MAPK15: variants seen among roughly 807,000 people sequenced by gnomAD.
The protein encoded by MAPK15 is ERK-7.
Under a neutral mutation model 60.8 loss-of-function variants are expected in MAPK15, and 61 were observed. The observed-to-expected ratio is 1.00, with a 90% CI of 0.82 to 1.24. The LOEUF (loss-of-function observed/expected upper bound fraction) is 1.24. MAPK15 is among the 50% of genes most tolerant of loss of function. The probability of loss-of-function intolerance (pLI) is 0.00; values close to 1 mark genes in which losing one functional copy is unlikely to be tolerated. For missense variants in MAPK15, 808 were observed against 741.1 expected, an observed-to-expected ratio of 1.09 and a Z score of -1.05; for synonymous variants, 356 against 319.9, an observed-to-expected ratio of 1.11 and a Z score of -1.21.
chr8:143,718,845 C>T lies in MAPK15; in HGVS notation c.357C>T (p.Tyr119=), dbSNP rs1446908975. The change falls in exon 5 of 14, where the codon TAC becomes TAT. Residue 119 remains tyrosine (Y), a synonymous_variant. Transcript: ENST00000338033. ...ACGTCCACGTGCGCTCCATCTTCTA[C>T]CAGCTCCTGCGGGCCACCCGGTTCC... The part of the protein sequence containing the change: ...LQDVHVRSIF[Y]QLLRATRFLH... The T allele has an allele frequency of 2.5e-6, 4 of 1,612,294 alleles. No individual in the cohort carries two copies. Among genetic ancestry groups the T allele is most frequent in the Non-Finnish European group, 3.4e-6 (4 of 1,179,756 alleles).
At position 143,722,447 on chromosome 8, in the gene MAPK15, G is replaced by C. The variant is rs1054834718; in HGVS notation, c.*196G>C. The C allele has an allele frequency of 3.6e-4, 185 of 509,356 alleles. No individual in the cohort carries two copies. Among genetic ancestry groups the C allele is most frequent in the Non-Finnish European group, 4.8e-5 (14 of 293,106 alleles). 31.6% of individuals were successfully genotyped at this position (509,356 alleles called of 1,614,324 possible). ...CACTGACTTCCTCCAATAAAGTCAT[G>C]TCTGCCCCCAACCTAAGCAGCCATC... On this transcript the variant is annotated 3_prime_UTR_variant, in exon 14 of 14. Coordinates refer to ENST00000338033, the MANE Select transcript of MAPK15 (RefSeq NM_139021.3).
At chr8:143,718,359 C>A in intron 4 of MAPK15, 57 bp downstream of exon 4, 1 of 1,515,104 alleles carries the variant, frequency 6.6e-7, no homozygotes, top group Non-Finnish European at 9.2e-7. Context: ...CTGACGCCGT[C>A]TGCGGGTCCC....
chr8:143,718,942 G>A (rs370434603), intron 5 of MAPK15, 37 bp downstream of exon 5: 144 of 1,597,094 alleles, frequency 9.0e-5, no homozygotes, highest in South Asian at 2.1e-4. Context: ...CACGTGGCCC[G>A]GCTCCCGGCC....
rs781847069 is a variant in MAPK15 at position 143,721,411 on chromosome 8, G to A, written c.1204G>A (p.Glu402Lys). Residue 402 changes from glutamate to lysine, a missense_variant and splice_region_variant, in exon 11 of 14, where the codon GAG (glutamate) becomes AAG (lysine). Coordinates refer to ENST00000338033, the MANE Select transcript of MAPK15 (RefSeq NM_139021.3). Reference protein sequence around the residue: ...SSPGHDPAEHESPRAAKNVPR... With the variant: ...SSPGHDPAEHKSPRAAKNVPR... ...CCCAGGCCATGACCCTGCCGAGCAC[G>A]GTGTGTGATCTTTGCTGGCCGCCCA... 2.0e-5 allele frequency: 33 copies of A among 1,610,306 alleles called. No individual in the cohort carries two copies. In the East Asian group the frequency reaches 5.4e-4, roughly 26 times the overall value.
rs1465787390 is a variant in MAPK15 at position 143,719,318 on chromosome 8, A to G, written c.582-25A>G. On this transcript the variant is annotated intron_variant, in intron 6 of 13. Transcript: ENST00000338033. ...CCCACCTCTGCCTCTGGGTCTCTCC[A>G]TGCCTACACCGCTTCCTGCCCCAGA... The G allele has an allele frequency of 1.9e-6, 3 of 1,577,946 alleles. No individual in the cohort carries two copies. In the African/African-American group the frequency reaches 4.1e-5, roughly 21 times the overall value.
At position 143,721,744 on chromosome 8, in the gene MAPK15, C is replaced by T; in HGVS notation, c.1330-8C>T. ...CTTTCAGTGACCCTGTGACATGGCC[C>T]TTCCCAGGTGAAGCCAAGCGGGAGG... On this transcript the variant is annotated splice_region_variant and splice_polypyrimidine_tract_variant and intron_variant, in intron 12 of 13. Coordinates refer to ENST00000338033, the MANE Select transcript of MAPK15 (RefSeq NM_139021.3). 6.2e-7 allele frequency: 1 copy of T among 1,613,630 alleles called. No individual in the cohort carries two copies. Among genetic ancestry groups the T allele is most frequent in the Non-Finnish European group, 8.5e-7 (1 of 1,179,878 alleles).
chr8:143,716,461 C>T lies in MAPK15; in HGVS notation c.66+18C>T, dbSNP rs782326677. 3.1e-6 allele frequency: 5 copies of T among 1,587,914 alleles called. No homozygotes were observed. Among genetic ancestry groups the T allele is most frequent in the South Asian group, 1.1e-5 (1 of 88,248 alleles). On this transcript the variant is annotated intron_variant, in intron 1 of 13. Transcript: ENST00000338033. The stretch of plus-strand genomic sequence containing the variant: ...GGCAGGGGGTGAGTGCCTGGGGGTG[C>T]GTCCGCGCGCCGAGGGGCGCGGCAG...
chr8:143,716,791 T>A (rs1333967965), intron 1 of MAPK15, among the ~76,000 whole-genome samples: 1 of 152,036 alleles, frequency 6.6e-6, no homozygotes, highest in Non-Finnish European at 1.5e-5. Flanking sequence ...CCCGGGTCAC[T>A]GAGAGGAAGG....
At chr8:143,719,639 G>A (rs782350984) in intron 7 of MAPK15, among the ~76,000 whole-genome samples, 157 bp downstream of exon 7, 3 of 152,184 alleles carry the variant, frequency 2.0e-5, no homozygotes, top group Non-Finnish European at 4.4e-5. Flanking sequence ...AAGACCGACT[G>A]GTGATGGGGG....
At chr8:143,718,727 G>GACC in intron 4 of MAPK15, 48 bp from the exon 5 acceptor site, 1 of 514,524 alleles carries the variant, frequency 1.9e-6, no homozygotes, top group Non-Finnish European at 3.2e-6. Context: ...CCCCCAGGTT[G>GACC]CCCCCCCAGC....
rs200724797 is a variant in MAPK15, at chr8:143,721,251, C to G, written c.1044C>G (p.Gly348=). The G allele has an allele frequency of 6.2e-7, 1 of 1,611,564 alleles. No homozygotes were observed. The highest frequency in any genetic ancestry group is 1.1e-5 in the South Asian group (1 of 90,640). ...RVYQMILECG[G]SSGTSREKGP... The stretch of plus-strand genomic sequence containing the variant: ...CGCAGATGATCCTGGAGTGTGGAGG[C>G]AGCAGCGGCACCTCGAGAGAGAAGG... Residue 348 remains glycine (G), a synonymous_variant, in exon 11 of 14, where the codon GGC becomes GGG. Transcript: ENST00000338033.
In MAPK15 at chr8:143,719,073, C is replaced by T. The variant is rs12678428; in HGVS notation, c.498C>T (p.Pro166=). 0.67 allele frequency: 1,055,084 copies of T among 1,576,438 alleles called. 365,889 individuals are homozygous for T. The highest frequency in any genetic ancestry group is 0.72 in the Non-Finnish European group (832,923 of 1,161,816). Residue 166 remains proline, a synonymous_variant, in exon 6 of 14, where the codon CCC becomes CCT. Transcript: ENST00000338033. The part of the protein sequence containing the change: ...FGLARSLGDL[P]EGPEDQAVTE... The stretch of plus-strand genomic sequence containing the variant: ...TGGCCCGCTCCCTGGGCGACCTCCC[C>T]GAGGGGCCTGAGGACCAGGCCGTGA...
chr8:143,717,714 G>C lies in MAPK15; in HGVS notation c.87G>C (p.Lys29Asn). ...LGQGAYGIVWKAVDRRTGEVV... is the reference protein window; with the variant it reads ...LGQGAYGIVWNAVDRRTGEVV... ...CCCAGGCCTATGGCATTGTGTGGAA[G>C]GCAGTGGACCGGAGGACTGGTGAGG... The change falls in exon 2 of 14, where the codon AAG becomes AAC. Residue 29 changes from lysine to asparagine, a missense_variant. Lys to Asn is a moderately conservative substitution (Grantham distance 94). Coordinates refer to ENST00000338033, the MANE Select transcript of MAPK15 (RefSeq NM_139021.3). The C allele has an allele frequency of 1.2e-6, 2 of 1,610,480 alleles. No individual in the cohort carries two copies. The highest frequency in any genetic ancestry group is 1.7e-6 in the Non-Finnish European group (2 of 1,178,766).
At chr8:143,721,470 C>T in intron 11 of MAPK15, 59 bp downstream of exon 11, 1 of 1,610,530 alleles carries the variant, frequency 6.2e-7, no homozygotes, top group Non-Finnish European at 8.5e-7. Context: ...TCTGCCTGTG[C>T]TGCCAACTAT....
At position 143,719,109 on chromosome 8, in the gene MAPK15, G is replaced by A. The variant is rs1817935352; in HGVS notation, c.534G>A (p.Val178=). The A allele has an allele frequency of 1.3e-6, 2 of 1,562,830 alleles. No homozygotes were observed. Among genetic ancestry groups the A allele is most frequent in the Non-Finnish European group, 8.7e-7 (1 of 1,154,064 alleles). The stretch of plus-strand genomic sequence containing the variant: ...AGGACCAGGCCGTGACAGAGTACGT[G>A]GCCACACGCTGGTACCGAGCACCGG... ...GPEDQAVTEY[V]ATRWYRAPEV... The change falls in exon 6 of 14, where the codon GTG becomes GTA. Residue 178 remains valine, a synonymous_variant. Coordinates refer to ENST00000338033, the MANE Select transcript of MAPK15 (RefSeq NM_139021.3).
rs1358782669 is a variant in MAPK15 at position 143,720,065 on chromosome 8, T to A, written c.722-165T>A. On this transcript the variant is annotated intron_variant, in intron 7 of 13. Coordinates refer to ENST00000338033, the MANE Select transcript of MAPK15 (RefSeq NM_139021.3). The surrounding 1 kb of genome is among the most constrained non-coding windows in gnomAD (Gnocchi z 4.6). ...TGTGCGGGTGCTCCCGTGCACAGGC[T>A]GGGTGGCACGCCCTGGTGATGGGGT... 2 of 990,176 alleles carry A rather than the reference T, an allele frequency of 2.0e-6. No homozygotes were observed. Among genetic ancestry groups the A allele is most frequent in the Admixed American group, 2.3e-5 (1 of 43,638 alleles). The allele number at this position is 990,176 out of a possible 1,614,324, so 61.3% of individuals were successfully genotyped here. A position where few individuals can be genotyped will look rare whatever the true frequency, so the allele number is the denominator to read the frequency against.
intron 4 of MAPK15, 27 bp from the exon 5 acceptor site, chr8:143,718,748 C>CCCCCCCCCCCG: frequency 6.6e-7 from 1 of 1,510,596 alleles, no homozygotes; most frequent in South Asian, 1.3e-5. Flanking sequence ...CCCCCACCCC[C>CCCCCCCCCCCG]GACTGCAGTG....
At chr8:143,718,727 G>GCCCCCCCCCCCCCCCC in intron 4 of MAPK15, 48 bp from the exon 5 acceptor site, 4 of 514,516 alleles carry the variant, frequency 7.8e-6, no homozygotes, top group Non-Finnish European at 9.5e-6. Flanking sequence ...CCCCCAGGTT[G>GCCCCCCCCCCCCCCCC]CCCCCCCAGC....
In MAPK15 at chr8:143,721,630, G is replaced by A. The variant is rs1554619883; in HGVS notation, c.1286G>A (p.Arg429Lys). 1.9e-6 allele frequency: 3 copies of A among 1,610,418 alleles called. No homozygotes were observed. Among genetic ancestry groups the A allele is most frequent in the Admixed American group, 1.7e-5 (1 of 59,476 alleles). ...ACTGCTCTCCTAGGGAATGGGGAAA[G>A]GCCCCCTGGGGCGAAGGAAGCGCCC... ...LQTALLGNGERPPGAKEAPPL... is the reference protein window; with the variant it reads ...LQTALLGNGEKPPGAKEAPPL... The change falls in exon 12 of 14, where the codon AGG becomes AAG. Residue 429 changes from arginine to lysine, a missense_variant. Physicochemically the swap from Arg to Lys is conservative, Grantham distance 26 (BLOSUM62 2). Coordinates refer to ENST00000338033, the MANE Select transcript of MAPK15 (RefSeq NM_139021.3).
Sources: gnomAD v4.1 joint callset for allele counts (sites outside exome capture counted in the v4.1 genomes callset) on GRCh38, gnomAD v4.1.1 for gene constraint, Gnocchi (gnomAD v3.1) non-coding constraint, MANE v1.5 for transcripts, NCBI Gene and HGNC (gene_info 2026-07-23, HGNC 2026-07-21) for gene names.